Variants in RUSC2 observed in about 807,000 individuals in gnomAD.
RUSC2 encodes the protein AP-4 complex accessory subunit RUSC2.
RUSC2 carries 34 observed loss-of-function variants against 122.2 expected under a neutral mutation model. The observed-to-expected ratio is 0.28, with a 90% CI of 0.21 to 0.37. The LOEUF (loss-of-function observed/expected upper bound fraction) is 0.37, where lower values mean the gene tolerates loss of function less well. Ranked by LOEUF, RUSC2 falls within the 10% of genes least tolerant of loss-of-function variation. The pLI is 1.00. For synonymous variants in RUSC2, 784 were observed against 790.0 expected, an observed-to-expected ratio of 0.99 and a Z score of 0.13; for missense variants, 1,747 against 1,952.4, an observed-to-expected ratio of 0.89 and a Z score of 1.98.
chr9:35,546,810 C>T lies in RUSC2; in HGVS notation c.289C>T (p.Pro97Ser), dbSNP rs754108908. 2 of 1,611,772 alleles carry T rather than the reference C, an allele frequency of 1.2e-6. No individual in the cohort carries two copies. Among genetic ancestry groups the T allele is most frequent in the Non-Finnish European group, 1.7e-6 (2 of 1,178,956 alleles). The change falls in exon 2 of 12, where the codon CCC becomes TCC. Residue 97 changes from proline to serine, a missense_variant. Physicochemically the swap from Pro to Ser is moderately conservative, Grantham distance 74. Coordinates refer to ENST00000361226, the MANE Select transcript of RUSC2 (RefSeq NM_014806.5). This position sits in a 1 kb window ranked among gnomAD's most constrained non-coding sequence, Gnocchi z 4.3. ...TCGGGATGGAAGAGGCCCTGGAGCC[C>T]CCAAACGACACAACCCCTTCTTGCT... ...RSRDGRGPGA[P>S]KRHNPFLLQE... is the part of the protein sequence containing the mutation.
At chr9:35,543,278 T>C (rs1821678367) in intron 1 of RUSC2, among the ~76,000 whole-genome samples, 1 of 151,930 alleles carries the variant, frequency 6.6e-6, no homozygotes, top group South Asian at 2.1e-4. Flanking sequence ...ATACAGAAAT[T>C]AGCCAGGCGT....
At chr9:35,556,229 C>A in intron 4 of RUSC2, 79 bp from the exon 5 acceptor site, 1 of 1,598,294 alleles carries the variant, frequency 6.3e-7, no homozygotes, top group Non-Finnish European at 8.5e-7. Flanking sequence ...GAACGTGTCT[C>A]AGACGGTACG....
rs1208690900 is a variant in RUSC2 at position 35,548,299 on chromosome 9, G to A, written c.1778G>A (p.Cys593Tyr). ...GCCCCACTGGATGAGGGCACTTGCT[G>A]TAGCCATAGCCTGCCACCCATGCCT... ...RGAPLDEGTCCSHSLPPMPLG... is the reference protein window; with the variant it reads ...RGAPLDEGTCYSHSLPPMPLG... The change falls in exon 2 of 12, where the codon TGT (cysteine) becomes TAT (tyrosine). Residue 593 changes from cysteine to tyrosine, a missense_variant. Transcript: ENST00000361226. The surrounding 1 kb of genome is among the most constrained non-coding windows in gnomAD (Gnocchi z 4.5). The A allele has an allele frequency of 3.1e-6, 5 of 1,614,022 alleles. No individual in the cohort carries two copies. The highest frequency in any genetic ancestry group is 3.4e-6 in the Non-Finnish European group (4 of 1,180,026).
Position 35,548,374 on chromosome 9 carries a change from C to T in RUSC2, c.1853C>T (p.Ser618Phe). The T allele has an allele frequency of 1.2e-6, 2 of 1,614,086 alleles. No individual in the cohort carries two copies. Among genetic ancestry groups the T allele is most frequent in the Non-Finnish European group, 1.7e-6 (2 of 1,180,028 alleles). Residue 618 changes from serine (S) to phenylalanine (F), a missense_variant, in exon 2 of 12, where the codon TCC becomes TTC. Physicochemically the swap from Ser to Phe is radical, Grantham distance 155. Coordinates refer to ENST00000361226, the MANE Select transcript of RUSC2 (RefSeq NM_014806.5). This position sits in a 1 kb window ranked among gnomAD's most constrained non-coding sequence, Gnocchi z 4.5. The part of the protein sequence containing the change: ...LLGPDPSPPW[S>F]TQVCQGPHSS... ...GGCCCAGACCCAAGTCCACCCTGGT[C>T]CACCCAGGTCTGTCAGGGACCCCAC... is the stretch of plus-strand genomic sequence containing the variant.
At chr9:35,512,024 A>G (rs1821019192) in intron 1 of RUSC2, among the ~76,000 whole-genome samples, 1 of 152,186 alleles carries the variant, frequency 6.6e-6, no homozygotes, top group Non-Finnish European at 1.5e-5. Flanking sequence ...ACTAAAAAAT[A>G]CAAAAGATTA....
At chr9:35,538,200 C>G (rs1433684922) in intron 1 of RUSC2, among the ~76,000 whole-genome samples, 2 of 152,298 alleles carry the variant, frequency 1.3e-5, no homozygotes, top group East Asian at 3.9e-4. Flanking sequence ...GGGGCCAGTT[C>G]TACTTCAGCC....
chr9:35,519,063 A>C (rs901158505), intron 1 of RUSC2, among the ~76,000 whole-genome samples: 2 of 152,204 alleles, frequency 1.3e-5, no homozygotes, highest in Non-Finnish European at 2.9e-5. Context: ...ACAGCTGGAC[A>C]TATGAAAGCT....
intron 1 of RUSC2, among the ~76,000 whole-genome samples, chr9:35,538,006 CTG>C (rs937620394): frequency 6.6e-6 from 1 of 152,178 alleles, no homozygotes; most frequent in Non-Finnish European, 1.5e-5. Flanking sequence ...GCAGAGGACT[CTG>C]TAGGTCTCCA....
At chr9:35,554,633 G>A (rs572313106) in intron 2 of RUSC2, among the ~76,000 whole-genome samples, 6 of 152,298 alleles carry the variant, frequency 3.9e-5, no homozygotes, top group South Asian at 2.1e-4. Context: ...ATGGATAAGC[G>A]GTTATAGCAC....
Position 35,560,681 on chromosome 9 carries a change from C to T in RUSC2, c.4041C>T (p.Ser1347=), listed in dbSNP as rs1822136094. ...RERGWPFWMG[S]PPDSVLAELR... Reference sequence around the variant, plus strand: ...GGGGCTGGCCCTTCTGGATGGGGAGCCCCCCTGACTCTGTGCTGGCCGAGC... The same window carrying T: ...GGGGCTGGCCCTTCTGGATGGGGAGTCCCCCTGACTCTGTGCTGGCCGAGC... The change falls in exon 10 of 12, where the codon AGC becomes AGT. Residue 1347 remains serine (S), a synonymous_variant. Transcript: ENST00000361226. 10 of 1,572,610 alleles carry T rather than the reference C, an allele frequency of 6.4e-6. No individual in the cohort carries two copies. The highest frequency in any genetic ancestry group is 8.6e-6 in the Non-Finnish European group (10 of 1,158,042).
intron 1 of RUSC2, among the ~76,000 whole-genome samples, chr9:35,544,646 A>G (rs1253411907): frequency 6.6e-6 from 1 of 151,666 alleles, no homozygotes; most frequent in Non-Finnish European, 1.5e-5. Flanking sequence ...AGTTCTTTAT[A>G]TATTCTGATT....
At chr9:35,519,176 G>T (rs1372852361) in intron 1 of RUSC2, among the ~76,000 whole-genome samples, 1 of 152,230 alleles carries the variant, frequency 6.6e-6, no homozygotes, top group Non-Finnish European at 1.5e-5. Flanking sequence ...AGAAGCCTGA[G>T]GCCACTCCTG....
At position 35,546,801 on chromosome 9, in the gene RUSC2, C is replaced by T; in HGVS notation, c.280C>T (p.Pro94Ser). The change falls in exon 2 of 12, where the codon CCT becomes TCT. Residue 94 changes from proline (P) to serine (S), a missense_variant. Transcript: ENST00000361226. The surrounding 1 kb of genome is among the most constrained non-coding windows in gnomAD (Gnocchi z 4.3). ...GAGTAGGAGTCGGGATGGAAGAGGC[C>T]CTGGAGCCCCCAAACGACACAACCC... Reference protein sequence around the residue: ...TKSRSRDGRGPGAPKRHNPFL... With the variant: ...TKSRSRDGRGSGAPKRHNPFL... 1.2e-6 allele frequency: 2 copies of T among 1,611,122 alleles called. No individual in the cohort carries two copies. Among genetic ancestry groups the T allele is most frequent in the Non-Finnish European group, 1.7e-6 (2 of 1,178,668 alleles).
chr9:35,561,130 GC>G, intron 11 of RUSC2, 33 bp downstream of exon 11: 1 of 1,613,450 alleles, frequency 6.2e-7, no homozygotes, highest in Non-Finnish European at 8.5e-7. Flanking sequence ...GCTGAGGGGG[GC>G]GGGGGGCTTT....
rs181249872 is a variant in RUSC2, at chr9:35,558,649, C to T, written c.3341+82C>T. On this transcript the variant is annotated intron_variant, in intron 8 of 11. Transcript: ENST00000361226. The surrounding 1 kb of genome is among the most constrained non-coding windows in gnomAD (Gnocchi z 4.3). ...GGCTCTGCCTGCACCAAGGAAACAA[C>T]GCCCTGGACAGACAGAAAGGGTGGA... The T allele has an allele frequency of 1.6e-5, 19 of 1,156,844 alleles. No homozygotes were observed. In the East Asian group the frequency reaches 3.3e-4, roughly 20 times the overall value. The allele number at this position is 1,156,844 out of a possible 1,614,324, so 71.7% of individuals were successfully genotyped here. A position where few individuals can be genotyped will look rare whatever the true frequency, so the allele number is the denominator to read the frequency against.
chr9:35,512,189 GAA>G (rs5897604), intron 1 of RUSC2, among the ~76,000 whole-genome samples: 1 of 148,430 alleles, frequency 6.7e-6, no homozygotes, highest in Non-Finnish European at 1.5e-5. Context: ...CTCAAAAAAA[GAA>G]AAAAAAAATA....
At position 35,560,838 on chromosome 9, in the gene RUSC2, C is replaced by T. The variant is rs375551977; in HGVS notation, c.4198C>T (p.Arg1400Trp). ...CTCCCGAAAAGCCCAGCGGGAGGCC[C>T]GGCCCACAAATAGGTGAGAGCCTGC... ...FGSRKAQREARPTNRLPSDWL... is the reference protein window; with the variant it reads ...FGSRKAQREAWPTNRLPSDWL... The change falls in exon 10 of 12, where the codon CGG becomes TGG. Residue 1400 changes from arginine to tryptophan, a missense_variant. By Grantham distance (101) the Arg-to-Trp change is moderately radical. Coordinates refer to ENST00000361226, the MANE Select transcript of RUSC2 (RefSeq NM_014806.5). The T allele has an allele frequency of 5.5e-5, 85 of 1,533,480 alleles. No individual in the cohort carries two copies. The highest frequency in any genetic ancestry group is 3.6e-4 in the East Asian group (16 of 44,226). The allele number at this position is 1,533,480 out of a possible 1,614,324, so 95.0% of individuals were successfully genotyped here. A position where few individuals can be genotyped will look rare whatever the true frequency, so the allele number is the denominator to read the frequency against.
chr9:35,528,508 A>AC lies in RUSC2; in HGVS notation c.-92-17920dup, dbSNP rs199593361. 6.3e-3 allele frequency among the ~76,000 whole-genome samples: 894 copies of AC among 142,516 alleles called. 12 individuals carry two copies. The highest frequency in any genetic ancestry group is 9.9e-3 in the Non-Finnish European group (637 of 64,558). The allele number at this position is 142,516 out of a possible 152,430, so 93.5% of individuals were successfully genotyped here. A position where few individuals can be genotyped will look rare whatever the true frequency, so the allele number is the denominator to read the frequency against. On this transcript the variant is annotated intron_variant, in intron 1 of 11. Coordinates refer to ENST00000361226, the MANE Select transcript of RUSC2 (RefSeq NM_014806.5). Reference sequence around the variant, plus strand: ...CAGAATTCTCTTTATGCGATTTGATACCTTTTTTTTTTTTTTGAGATGGAG... The same window carrying AC: ...CAGAATTCTCTTTATGCGATTTGATACCCTTTTTTTTTTTTTTGAGATGGAG...
At chr9:35,495,738 G>A (rs1374056422) in intron 1 of RUSC2, among the ~76,000 whole-genome samples, 1 of 152,086 alleles carries the variant, frequency 6.6e-6, no homozygotes, top group African/African-American at 2.4e-5. Flanking sequence ...GGATTGTATT[G>A]AATCTCTAGC....
Sources: allele counts gnomAD v4.1 joint callset (sites outside exome capture counted in the v4.1 genomes callset), GRCh38; gene constraint gnomAD v4.1.1; non-coding constraint Gnocchi (gnomAD v3.1); transcripts MANE v1.5; gene names NCBI Gene and HGNC (gene_info 2026-07-23, HGNC 2026-07-21).